Variants in ZNF25 observed in about 807,000 individuals in gnomAD.
The protein encoded by ZNF25 is zinc finger protein 25 (KOX 19).
ZNF25 carries 21 observed loss-of-function variants against 30.9 expected under a neutral mutation model. The ratio of observed to expected loss-of-function variants is 0.68; its 90% confidence interval spans 0.48 to 0.98. ZNF25 has a LOEUF of 0.98. ZNF25 is among the 50% of genes least tolerant of loss of function. The probability of loss-of-function intolerance (pLI) is 0.00; values close to 1 mark genes in which losing one functional copy is unlikely to be tolerated. For synonymous variants in ZNF25, 169 were observed against 181.3 expected (o/e 0.93, Z 0.55); for missense variants, 501 against 529.9 (o/e 0.95, Z 0.54).
intron 2 of ZNF25, among the ~76,000 whole-genome samples, chr10:37,966,639 G>C (rs908092391): frequency 4.6e-5 from 7 of 152,006 alleles, no homozygotes; most frequent in African/African-American, 1.7e-4. Flanking sequence ...GATCTTGTCA[G>C]AACTCACTCA....
chr10:37,954,705 C>T lies in ZNF25; in HGVS notation c.239-947G>A, dbSNP rs548051016. ...AACATCATTCTAGAATCTTTAGTGA[C>T]CTTCATATTTATGCATCTTTAAATG... On this transcript the variant is annotated intron_variant, in intron 4 of 5. Coordinates refer to ENST00000302609, the MANE Select transcript of ZNF25 (RefSeq NM_145011.4). Among the ~76,000 whole-genome samples the T allele has an allele frequency of 3.3e-5, 5 of 152,292 alleles. No individual in the cohort carries two copies. In the South Asian group the frequency reaches 6.2e-4, roughly 19 times the overall value.
intron 1 of ZNF25, among the ~76,000 whole-genome samples, chr10:37,972,575 A>G (rs2135451168): frequency 6.6e-6 from 1 of 152,322 alleles, no homozygotes; most frequent in East Asian, 1.9e-4. Context: ...CTCTGACTTG[A>G]GAATCTAATC....
At chr10:37,969,732 C>T (rs959399931) in intron 2 of ZNF25, among the ~76,000 whole-genome samples, 1 of 152,084 alleles carries the variant, frequency 6.6e-6, no homozygotes, top group African/African-American at 2.4e-5. Flanking sequence ...ATATTAATAC[C>T]TTACAATTGT....
At chr10:37,960,947 T>C (rs2062836490) in intron 2 of ZNF25, among the ~76,000 whole-genome samples, 1 of 152,202 alleles carries the variant, frequency 6.6e-6, no homozygotes, top group Non-Finnish European at 1.5e-5. Flanking sequence ...ATCCAGCTCT[T>C]GGACACACAT....
At chr10:37,970,716 C>G (rs1375650454) in intron 2 of ZNF25, among the ~76,000 whole-genome samples, 1 of 152,152 alleles carries the variant, frequency 6.6e-6, no homozygotes, top group African/African-American at 2.4e-5. Flanking sequence ...ACCATTCTTT[C>G]CCTAAGTCAT....
chr10:37,965,510 G>T (rs531166528), intron 2 of ZNF25, among the ~76,000 whole-genome samples: 1 of 152,268 alleles, frequency 6.6e-6, no homozygotes, highest in South Asian at 2.1e-4. Context: ...TGAAAGAAAA[G>T]AATTCTATTT....
chr10:37,973,012 T>C, intron 1 of ZNF25, among the ~76,000 whole-genome samples: 1 of 151,676 alleles, frequency 6.6e-6, no homozygotes, highest in Non-Finnish European at 1.5e-5. Context: ...CTACTAAAAG[T>C]ACAAAATTAG....
intron 4 of ZNF25, 75 bp from the exon 5 acceptor site, chr10:37,953,833 T>A (rs770898547): frequency 5.2e-6 from 7 of 1,346,594 alleles, no homozygotes; most frequent in Non-Finnish European, 7.3e-6. Context: ...TTCTTAGGCT[T>A]CAGGCCAATT....
intron 2 of ZNF25, among the ~76,000 whole-genome samples, chr10:37,958,404 G>T (rs1459688061): frequency 6.6e-6 from 1 of 152,102 alleles, no homozygotes; most frequent in Non-Finnish European, 1.5e-5. Flanking sequence ...CCTATTGTGG[G>T]TACATAATGG....
intron 4 of ZNF25, among the ~76,000 whole-genome samples, chr10:37,956,481 G>C (rs371302878): frequency 2.6e-5 from 4 of 152,322 alleles, no homozygotes; most frequent in African/African-American, 9.6e-5. Context: ...ATACAGGAAA[G>C]AGAAGTAAAT....
Position 37,952,551 on chromosome 10 carries a change from C to A in ZNF25, c.947G>T (p.Cys316Phe). 6.2e-7 allele frequency: 1 copy of A among 1,613,738 alleles called. No individual in the cohort carries two copies. Among genetic ancestry groups the A allele is most frequent in the South Asian group, 1.1e-5 (1 of 91,064 alleles). Residue 316 changes from cysteine (C) to phenylalanine (F), a missense_variant, in exon 6 of 6, where the codon TGT becomes TTT. Physicochemically the swap from Cys to Phe is radical, Grantham distance 205. Coordinates refer to ENST00000302609, the MANE Select transcript of ZNF25 (RefSeq NM_145011.4). Reference sequence around the variant, plus strand: ...GTAGAAGCATTTCCTACATTCCTTACATTCATAGGGTTTCTCTCCTGTGTG... The same window carrying A: ...GTAGAAGCATTTCCTACATTCCTTAAATTCATAGGGTTTCTCTCCTGTGTG... The part of the protein sequence containing the change: ...RSHTGEKPYE[C>F]KECRKCFYQK...
intron 2 of ZNF25, among the ~76,000 whole-genome samples, chr10:37,960,820 GA>G (rs2062830630): frequency 6.6e-6 from 1 of 152,024 alleles, no homozygotes; most frequent in African/African-American, 2.4e-5. Context: ...CAAATGTAAA[GA>G]GTCCAAATTA....
intron 4 of ZNF25, among the ~76,000 whole-genome samples, chr10:37,955,247 C>T (rs1469714216): frequency 2.0e-5 from 3 of 151,994 alleles, no homozygotes; most frequent in Non-Finnish European, 4.4e-5. Context: ...AAATAAGTTG[C>T]ATAGGCAAGA....
Position 37,971,810 on chromosome 10 carries a change from G to A in ZNF25, c.-85-3C>T. 6.3e-7 allele frequency: 1 copy of A among 1,579,520 alleles called. No homozygotes were observed. The highest frequency in any genetic ancestry group is 2.2e-5 in the East Asian group (1 of 44,736). On this transcript the variant is annotated splice_polypyrimidine_tract_variant and splice_region_variant and intron_variant, in intron 1 of 5. Coordinates refer to ENST00000302609, the MANE Select transcript of ZNF25 (RefSeq NM_145011.4). Reference sequence around the variant, plus strand: ...TAGCTGGCAGCCCCAGGAATCACCTGTGAGAAATTTCCATACAACATTTTA... The same window carrying A: ...TAGCTGGCAGCCCCAGGAATCACCTATGAGAAATTTCCATACAACATTTTA...
At position 37,957,556 on chromosome 10, in the gene ZNF25, C is replaced by T. The variant is rs1288749981; in HGVS notation, c.16-10G>A. 3 of 1,610,760 alleles carry T rather than the reference C, an allele frequency of 1.9e-6. No individual in the cohort carries two copies. In the African/African-American group the frequency reaches 4.0e-5, roughly 22 times the overall value. On this transcript the variant is annotated splice_polypyrimidine_tract_variant and intron_variant, in intron 2 of 5. Transcript: ENST00000302609. ...TTAATGTCACGGGTCCCTGGAATAA[C>T]ATACTTCAGTTCAATTTGAAGTAAC...
At chr10:37,956,580 TAA>T (rs1478607425) in intron 4 of ZNF25, among the ~76,000 whole-genome samples, 1 of 152,050 alleles carries the variant, frequency 6.6e-6, no homozygotes, top group Non-Finnish European at 1.5e-5. Context: ...CACGTGCAAA[TAA>T]AGTGTCCTTA....
Position 37,952,959 on chromosome 10 carries a change from T to G in ZNF25, c.539A>C (p.Lys180Thr), listed in dbSNP as rs368632271. 47 of 1,614,058 alleles carry G rather than the reference T, an allele frequency of 2.9e-5. No individual in the cohort carries two copies. Among genetic ancestry groups the G allele is most frequent in the Non-Finnish European group, 3.9e-5 (46 of 1,180,020 alleles). Reference protein sequence around the residue: ...RDKTYECKECKKIFYHLSSLS... With the variant: ...RDKTYECKECTKIFYHLSSLS... ...AGATGATAGGTGGTAAAATATTTTC[T>G]TACATTCTTTACACTCATAGGTTTT... is the stretch of plus-strand genomic sequence containing the variant. The change falls in exon 6 of 6, where the codon AAG (lysine) becomes ACG (threonine). Residue 180 changes from lysine (K) to threonine (T), a missense_variant. Lys to Thr is a moderately conservative substitution (Grantham distance 78). Coordinates refer to ENST00000302609, the MANE Select transcript of ZNF25 (RefSeq NM_145011.4).
rs765794131 is a variant in ZNF25, at chr10:37,971,690, G to C, written c.15+18C>G. 25 of 1,611,404 alleles carry C rather than the reference G, an allele frequency of 1.6e-5. No individual in the cohort carries two copies. Among genetic ancestry groups the C allele is most frequent in the Non-Finnish European group, 1.9e-5 (23 of 1,179,680 alleles). Reference sequence around the variant, plus strand: ...ACACACACAGTGAAACAAAGTTAGGGCTAAGTAAATGACTCACCTGGAACT... The same window carrying C: ...ACACACACAGTGAAACAAAGTTAGGCCTAAGTAAATGACTCACCTGGAACT... On this transcript the variant is annotated intron_variant, in intron 2 of 5. Transcript: ENST00000302609.
At chr10:37,962,132 C>T (rs990794132) in intron 2 of ZNF25, among the ~76,000 whole-genome samples, 3 of 151,382 alleles carry the variant, frequency 2.0e-5, no homozygotes, top group African/African-American at 4.9e-5. Flanking sequence ...ATCCCAGCTA[C>T]TCAGGAGGCT....
Sources: gnomAD v4.1 joint callset for allele counts (sites outside exome capture counted in the v4.1 genomes callset) on GRCh38, gnomAD v4.1.1 for gene constraint, MANE v1.5 for transcripts, NCBI Gene and HGNC (gene_info 2026-07-23, HGNC 2026-07-21) for gene names.